ABCA13: variants seen among roughly 807,000 people sequenced by gnomAD.
The protein encoded by ABCA13 is ATP-binding cassette sub-family A member 13.
Under a neutral mutation model 478.7 loss-of-function variants are expected in ABCA13, and 476 were observed. That is an observed-to-expected ratio of 0.99 (90% CI 0.92 to 1.07). The LOEUF is 1.07. Ranked by LOEUF, ABCA13 falls within the 50% of genes least tolerant of loss-of-function variation. ABCA13 has a pLI of 0.00. For synonymous variants in ABCA13, 2,252 were observed against 2,158.9 expected, an observed-to-expected ratio of 1.04 and a Z score of -1.20; for missense variants, 6,060 against 5,910.6, an observed-to-expected ratio of 1.03 and a Z score of -0.83.
chr7:48,544,911 T>A (rs1244532155), intron 55 of ABCA13, among the ~76,000 whole-genome samples: 1 of 151,828 alleles, frequency 6.6e-6, no homozygotes, highest in East Asian at 1.9e-4. Context: ...AGGGTCAGAA[T>A]AGAACTGAAC....
intron 20 of ABCA13, 69 bp from the exon 21 acceptor site, chr7:48,295,631 T>C: frequency 1.9e-6 from 3 of 1,579,828 alleles, no homozygotes; most frequent in Middle Eastern, 1.8e-4. Context: ...CTGAGACTAA[T>C]GAGAATAAAT....
At chr7:48,366,557 C>G (rs34996049) in intron 31 of ABCA13, among the ~76,000 whole-genome samples, 20,840 of 151,914 alleles carry the variant, frequency 0.14, 1,593 homozygotes, top group East Asian at 0.31. Context: ...GATCAGGCAG[C>G]CTTTCTGGTC....
rs73323746 is a variant in ABCA13, at chr7:48,328,641, G to T, written c.10000-6781G>T. On this transcript the variant is annotated intron_variant, in intron 27 of 61. Coordinates refer to ENST00000435803, the MANE Select transcript of ABCA13 (RefSeq NM_152701.5). ...TTTTCCATCATTCGTTTTCCTGTCT[G>T]CTTGGAAATGGTGGTCTATTTGATA... 9.1e-3 allele frequency among the ~76,000 whole-genome samples: 1,385 copies of T among 151,956 alleles called. 31 individuals are homozygous for T. The highest frequency in any genetic ancestry group is 0.032 in the African/African-American group (1,305 of 41,404).
At chr7:48,474,093 C>T (rs1827820387) in intron 45 of ABCA13, among the ~76,000 whole-genome samples, 1 of 151,758 alleles carries the variant, frequency 6.6e-6, no homozygotes, top group Non-Finnish European at 1.5e-5. Flanking sequence ...CTTGTTTTTC[C>T]ATTTATTCAC....
chr7:48,274,078 A>G lies in ABCA13; in HGVS notation c.4412A>G (p.Asn1471Ser). The change falls in exon 17 of 62, where the codon AAT becomes AGT. Residue 1471 changes from asparagine to serine, a missense_variant. Around this residue, in one of 3 missense-constraint regions of ABCA13, gnomAD observed 4,423 missense variants for 4,309.1 expected, o/e 1.03. Transcript: ENST00000435803. The stretch of plus-strand genomic sequence containing the variant: ...TTGAAAGATGTAACTGACTTTCTAA[A>G]TATTGTACTTACTACAGTCTTTGAA... ...IYLKDVTDFLNIVLTTVFEKE... is the reference protein window; with the variant it reads ...IYLKDVTDFLSIVLTTVFEKE... 6.2e-7 allele frequency: 1 copy of G among 1,606,594 alleles called. No individual in the cohort carries two copies. The highest frequency in any genetic ancestry group is 8.5e-7 in the Non-Finnish European group (1 of 1,175,602).
intron 20 of ABCA13, among the ~76,000 whole-genome samples, chr7:48,292,184 C>T (rs926213145): frequency 3.3e-5 from 5 of 152,146 alleles, no homozygotes; most frequent in African/African-American, 1.2e-4. Context: ...CTCAACTTTA[C>T]TCATCTGAAA....
intron 29 of ABCA13, among the ~76,000 whole-genome samples, chr7:48,343,835 C>T (rs939475651): frequency 6.6e-6 from 1 of 152,194 alleles, no homozygotes; most frequent in Non-Finnish European, 1.5e-5. Flanking sequence ...TCCTCCATTA[C>T]TCTAAGTGGG....
chr7:48,457,091 C>G (rs1382731488), intron 43 of ABCA13, among the ~76,000 whole-genome samples: 2 of 151,974 alleles, frequency 1.3e-5, no homozygotes, highest in South Asian at 4.2e-4. Context: ...TAGAACAAAC[C>G]AAAACCCCTA....
chr7:48,572,915 AAT>A (rs752530977), intron 55 of ABCA13, among the ~76,000 whole-genome samples: 1 of 152,072 alleles, frequency 6.6e-6, no homozygotes, highest in Non-Finnish European at 1.5e-5. Context: ...TACATGTAGA[AAT>A]TTTTAGGCTT....
chr7:48,303,279 G>A (rs757187303), intron 23 of ABCA13, among the ~76,000 whole-genome samples: 2 of 151,986 alleles, frequency 1.3e-5, no homozygotes, highest in Non-Finnish European at 2.9e-5. Flanking sequence ...CTCCCGTTCT[G>A]TAGATTGTCT....
intron 50 of ABCA13, among the ~76,000 whole-genome samples, chr7:48,509,054 A>G (rs1831453637): frequency 6.6e-6 from 1 of 152,164 alleles, no homozygotes; most frequent in Non-Finnish European, 1.5e-5. Flanking sequence ...GACATTTGGT[A>G]ACAATAAGGA....
chr7:48,194,793 T>C (rs1797706986), intron 2 of ABCA13, among the ~76,000 whole-genome samples: 1 of 246 alleles, frequency 4.1e-3, no homozygotes, highest in African/African-American at 0.019. Flanking sequence ...TGGAAAAATG[T>C]AAAACCCATG....
chr7:48,335,631 C>T, intron 28 of ABCA13, 96 bp downstream of exon 28: 1 of 855,746 alleles, frequency 1.2e-6, no homozygotes, highest in Non-Finnish European at 1.8e-6. Context: ...TACAGAGTCA[C>T]ATCAGGCATA....
chr7:48,577,304 G>A (rs927622124), intron 55 of ABCA13, among the ~76,000 whole-genome samples: 6 of 151,566 alleles, frequency 4.0e-5, no homozygotes, highest in Non-Finnish European at 8.8e-5. Flanking sequence ...TGAAATCAAT[G>A]AATTAAAAGA....
chr7:48,405,996 C>A (rs1418109435), intron 39 of ABCA13, among the ~76,000 whole-genome samples: 1 of 152,154 alleles, frequency 6.6e-6, no homozygotes, highest in Admixed American at 6.5e-5. Context: ...TCTGAAGCAG[C>A]CCAAACCTCT....
chr7:48,492,176 C>A (rs960128374), intron 48 of ABCA13, among the ~76,000 whole-genome samples: 1 of 152,112 alleles, frequency 6.6e-6, no homozygotes, highest in African/African-American at 2.4e-5. Context: ...ATCTTCTCAG[C>A]CTCATGTCTC....
chr7:48,339,821 G>T (rs994434008), intron 29 of ABCA13, among the ~76,000 whole-genome samples: 2 of 152,168 alleles, frequency 1.3e-5, no homozygotes, highest in African/African-American at 4.8e-5. Flanking sequence ...ACCCTGTACA[G>T]CCCTCTGGGA....
rs781567190 is a variant in ABCA13, at chr7:48,234,150, A to T, written c.896A>T (p.Glu299Val). ...CTGAACTCTTCAGCTGAACTGAAGG[A>T]GGTACACATGCTTGACTGCTTCTCA... ...QILNSSAELKEIPTDTSLEKM... is the reference protein window; with the variant it reads ...QILNSSAELKVIPTDTSLEKM... The change falls in exon 8 of 62, where the codon GAG (glutamate) becomes GTG (valine). Residue 299 changes from glutamate to valine, a missense_variant and splice_region_variant. By Grantham distance (121) the Glu-to-Val change is moderately radical (BLOSUM62 -2). Transcript: ENST00000435803. 3.8e-5 allele frequency: 61 copies of T among 1,613,870 alleles called. 1 individual carries two copies. The South Asian group carries it at 5.6e-4, about 15-fold the overall frequency.
intron 55 of ABCA13, among the ~76,000 whole-genome samples, chr7:48,570,859 T>C (rs958999010): frequency 2.6e-5 from 4 of 152,176 alleles, no homozygotes. Context: ...CTATATTTCC[T>C]CTATATTTTT....
Sources: allele counts gnomAD v4.1 joint callset (sites outside exome capture counted in the v4.1 genomes callset), GRCh38; gene constraint gnomAD v4.1.1; regional missense constraint gnomAD v4.1.1; transcripts MANE v1.5; gene names NCBI Gene and HGNC (gene_info 2026-07-23, HGNC 2026-07-21).